The following TAOK3 variants were observed in gnomAD, a reference collection of about 807,000 sequenced individuals.
The protein encoded by TAOK3 is TAO kinase 3, also known as serine/threonine-protein kinase TAO3.
TAOK3 carries 40 observed loss-of-function variants against 120.4 expected under a neutral mutation model. That is an observed-to-expected ratio of 0.33 (90% CI 0.26 to 0.43). The LOEUF is 0.43. Among genes scored for constraint, TAOK3 ranks in the 20% least tolerant of loss-of-function variants. The probability of loss-of-function intolerance (pLI) is 1.00; values close to 1 mark genes in which losing one functional copy is unlikely to be tolerated. For synonymous variants in TAOK3, 355 were observed against 387.5 expected (o/e 0.92, Z 0.99); for missense variants, 821 against 1,112.1 (o/e 0.74, Z 3.72).
chr12:118,368,765 C>CCCTG (rs2141330535), intron 1 of TAOK3, among the ~76,000 whole-genome samples: 1 of 149,364 alleles, frequency 6.7e-6, no homozygotes, highest in South Asian at 2.1e-4. Flanking sequence ...GAAATCGTGC[C>CCCTG]CCTGCACTCC....
chr12:118,153,902 A>G (rs1428112854), intron 19 of TAOK3, among the ~76,000 whole-genome samples: 1 of 152,250 alleles, frequency 6.6e-6, no homozygotes, highest in Non-Finnish European at 1.5e-5. Context: ...AAGGAACAAA[A>G]TAAATTACAT....
At position 118,186,120 on chromosome 12, in the gene TAOK3, T is replaced by A. The variant is rs559772548; in HGVS notation, c.1329+3687A>T. ...AAAAACTCCAAATGAAGACTCTCTATGAGCTTTTCTATCGAATCTGGCAAA... is the reference window on the plus strand; with the variant it reads ...AAAAACTCCAAATGAAGACTCTCTAAGAGCTTTTCTATCGAATCTGGCAAA... On this transcript the variant is annotated intron_variant, in intron 14 of 20. Transcript: ENST00000392533. Among the ~76,000 whole-genome samples, 5 of 152,366 alleles carry A rather than the reference T, an allele frequency of 3.3e-5. No homozygotes were observed. In the South Asian group the frequency reaches 1.0e-3, roughly 32 times the overall value.
chr12:118,172,444 G>C lies in TAOK3; in HGVS notation c.1899+13C>G. 1 of 1,613,598 alleles carries C rather than the reference G, an allele frequency of 6.2e-7. No homozygotes were observed. On this transcript the variant is annotated intron_variant, in intron 17 of 20. Coordinates refer to ENST00000392533, the MANE Select transcript of TAOK3 (RefSeq NM_016281.4). ...CCTATGTCAATGACAATAGTTACGA[G>C]CGTAATAAATACCTCCCGAATGTTC...
chr12:118,335,742 T>C (rs900888361), intron 1 of TAOK3, among the ~76,000 whole-genome samples: 2 of 152,018 alleles, frequency 1.3e-5, no homozygotes, highest in African/African-American at 2.4e-5. Flanking sequence ...TGAGGAAGAA[T>C]TGCTTGGACC....
intron 1 of TAOK3, among the ~76,000 whole-genome samples, chr12:118,332,607 T>G (rs1050659358): frequency 6.6e-6 from 1 of 152,208 alleles, no homozygotes; most frequent in Non-Finnish European, 1.5e-5. Flanking sequence ...ATTCTTTCCT[T>G]AGGATACACA....
chr12:118,182,300 T>G (rs941655459), intron 14 of TAOK3, among the ~76,000 whole-genome samples: 2 of 152,096 alleles, frequency 1.3e-5, no homozygotes, highest in Non-Finnish European at 2.9e-5. Context: ...AGGACTGGAT[T>G]GGGAATCAGG....
At chr12:118,240,921 T>C (rs1411795907) in intron 5 of TAOK3, among the ~76,000 whole-genome samples, 10 of 151,416 alleles carry the variant, frequency 6.6e-5, no homozygotes, top group African/African-American at 2.4e-4. Context: ...TAATTTAGAA[T>C]ATGTGATGTC....
At chr12:118,340,852 A>C (rs2141119396) in intron 1 of TAOK3, among the ~76,000 whole-genome samples, 1 of 151,794 alleles carries the variant, frequency 6.6e-6, no homozygotes, top group Non-Finnish European at 1.5e-5. Flanking sequence ...CCAAGGAAGG[A>C]GGACTGCTTG....
chr12:118,152,098 T>C (rs762725661), intron 20 of TAOK3, 129 bp downstream of exon 20: 5 of 832,984 alleles, frequency 6.0e-6, no homozygotes, highest in Non-Finnish European at 9.2e-6. Flanking sequence ...AGGGTACCAG[T>C]AGCATAAAGC....
At chr12:118,180,263 C>T (rs1407752148) in intron 15 of TAOK3, among the ~76,000 whole-genome samples, 2 of 136,476 alleles carry the variant, frequency 1.5e-5, no homozygotes, top group African/African-American at 5.6e-5. Context: ...TTTTTTGAGA[C>T]AGGGTCTCGC....
intron 2 of TAOK3, among the ~76,000 whole-genome samples, chr12:118,260,575 A>C (rs1471208000): frequency 6.6e-6 from 1 of 152,204 alleles, no homozygotes; most frequent in Non-Finnish European, 1.5e-5. Context: ...AACATTTAAT[A>C]CAGTTGTATT....
intron 1 of TAOK3, among the ~76,000 whole-genome samples, chr12:118,294,290 T>C (rs533125834): frequency 6.6e-6 from 1 of 152,324 alleles, no homozygotes; most frequent in Admixed American, 6.5e-5. Flanking sequence ...CTGCAGTCAG[T>C]AAACGTCTCT....
At chr12:118,156,509 C>A (rs1168660492) in intron 19 of TAOK3, among the ~76,000 whole-genome samples, 2 of 152,090 alleles carry the variant, frequency 1.3e-5, no homozygotes, top group African/African-American at 4.8e-5. Context: ...CCTCAATTAC[C>A]ATCTACATAT....
chr12:118,258,674 T>C (rs1169393545), intron 2 of TAOK3, among the ~76,000 whole-genome samples: 1 of 150,882 alleles, frequency 6.6e-6, no homozygotes, highest in African/African-American at 2.4e-5. Context: ...ATCGTGCCAC[T>C]GCATTCAAGC....
chr12:118,335,776 T>C (rs1469094475), intron 1 of TAOK3, among the ~76,000 whole-genome samples: 1 of 152,036 alleles, frequency 6.6e-6, no homozygotes, highest in Non-Finnish European at 1.5e-5. Flanking sequence ...CTGCAGTGAG[T>C]GGAGATGGTG....
chr12:118,167,300 C>A (rs907563841), intron 17 of TAOK3, among the ~76,000 whole-genome samples: 1 of 152,002 alleles, frequency 6.6e-6, no homozygotes, highest in Non-Finnish European at 1.5e-5. Flanking sequence ...GGAGTATAAA[C>A]TCCTTTAGAG....
intron 1 of TAOK3, among the ~76,000 whole-genome samples, chr12:118,273,751 G>A (rs966647137): frequency 4.6e-5 from 7 of 152,192 alleles, no homozygotes; most frequent in Non-Finnish European, 1.0e-4. Flanking sequence ...AGGAGGTGGA[G>A]GTTGCAGTGA....
rs371473309 is a variant in TAOK3 at position 118,342,532 on chromosome 12, C to T, written c.-194+30116G>A. Among the ~76,000 whole-genome samples the T allele has an allele frequency of 8.5e-5, 13 of 152,240 alleles. No homozygotes were observed. In the East Asian group the frequency reaches 1.7e-3, roughly 20 times the overall value. ...AACATAGTTAAAGCCAGACTTTTTA[C>T]TATGCCATGACAAGATAATATAAAA... On this transcript the variant is annotated intron_variant, in intron 1 of 20. Coordinates refer to ENST00000392533, the MANE Select transcript of TAOK3 (RefSeq NM_016281.4).
intron 1 of TAOK3, chr12:118,359,029 C>T (rs1340928715): frequency 6.6e-6 from 1 of 152,166 alleles, no homozygotes; most frequent in African/African-American, 2.4e-5. Flanking sequence ...GAGATGGCTT[C>T]ATTTAAAAAA....
Sources: allele counts gnomAD v4.1 joint callset (sites outside exome capture counted in the v4.1 genomes callset), GRCh38; gene constraint gnomAD v4.1.1; transcripts MANE v1.5; gene names NCBI Gene and HGNC (gene_info 2026-07-23, HGNC 2026-07-21).